The following IGFLR1 variants were observed in gnomAD, a reference collection of about 807,000 sequenced individuals.
The protein encoded by IGFLR1 is IGF like family receptor 1.
In IGFLR1, 17 loss-of-function variants were observed where a neutral mutation model predicts 23.4. The observed-to-expected ratio is 0.73, with a 90% CI of 0.50 to 1.09. IGFLR1 has a LOEUF of 1.09. Ranked by LOEUF, IGFLR1 falls within the 50% of genes least tolerant of loss-of-function variation. The probability of loss-of-function intolerance (pLI) is 0.00; values close to 1 mark genes in which losing one functional copy is unlikely to be tolerated. For synonymous variants in IGFLR1, 265 were observed against 210.7 expected (o/e 1.26, Z -2.23); for missense variants, 556 against 459.2 (o/e 1.21, Z -1.93).
At chr19:35,740,719 C>A in intron 2 of IGFLR1, 155 bp from the exon 3 acceptor site, 1 of 735,286 alleles carries the variant, frequency 1.4e-6, no homozygotes, top group East Asian at 2.8e-5. Flanking sequence ...TCCGGGCTCG[C>A]CTTTTCACCC....
rs1970074958 is a variant in IGFLR1, at chr19:35,739,512, T to G, written c.836A>C (p.His279Pro). The change falls in exon 5 of 5, where the codon CAT becomes CCT. Residue 279 changes from histidine to proline, a missense_variant. Transcript: ENST00000246532. ...PEPGPGGGMA[H>P]GTTRHLAARY... is the part of the protein sequence containing the mutation. ...TGCGGCCAGGTGTCGAGTAGTGCCA[T>G]GGGCCATACCCCCACCTGGCCCAGG... 1.2e-6 allele frequency: 2 copies of G among 1,614,008 alleles called. No individual in the cohort carries two copies. Among genetic ancestry groups the G allele is most frequent in the Non-Finnish European group, 1.7e-6 (2 of 1,180,004 alleles).
chr19:35,739,774 G>A lies in IGFLR1; in HGVS notation c.657C>T (p.Ser219=), dbSNP rs147205513. 489 of 1,566,322 alleles carry A rather than the reference G, an allele frequency of 3.1e-4. 3 individuals carry two copies. The African/African-American group carries it at 5.7e-3, about 18-fold the overall frequency. The change falls in exon 4 of 5, where the codon TCC becomes TCT. Residue 219 remains serine, a synonymous_variant. Coordinates refer to ENST00000246532, the MANE Select transcript of IGFLR1 (RefSeq NM_024660.4). ...TGTCCCCTGTCTCCAGGGCGCCTGG[G>A]GAGGACAGATGCGAGGAGGAAGGGG... ...THTPSSSHLS[S]PGALETGDTW...
intron 3 of IGFLR1, 34 bp from the exon 4 acceptor site, chr19:35,740,122 C>G (rs770836693): frequency 1.1e-5 from 17 of 1,578,592 alleles, no homozygotes; most frequent in Non-Finnish European, 1.5e-5. Context: ...AGCTGGAGGC[C>G]ACACTCCACT....
intron 3 of IGFLR1, 75 bp from the exon 4 acceptor site, chr19:35,740,163 A>G: frequency 6.8e-7 from 1 of 1,478,254 alleles, no homozygotes; most frequent in African/African-American, 1.4e-5. Flanking sequence ...CCAACTTTAT[A>G]TCCTTTAATG....
In IGFLR1 at chr19:35,739,798, GGT is replaced by G; in HGVS notation, c.631_632del (p.Thr211ProfsTer45). ...GGGAGGACAGATGCGAGGAGGAAGGGGTGTGGGTGTTGGGGACTCCGCAGACC... is the reference window on the plus strand; with the variant it reads ...GGGAGGACAGATGCGAGGAGGAAGGGGTGGGTGTTGGGGACTCCGCAGACC... The part of the protein sequence containing the change: ...GLVCGVPNTH[T>X]PSSSHLSSPG... On this transcript the variant is annotated frameshift_variant, in exon 4 of 5. Coordinates refer to ENST00000246532, the MANE Select transcript of IGFLR1 (RefSeq NM_024660.4). LOFTEE classifies it high-confidence loss of function. 6.3e-7 allele frequency: 1 copy of G among 1,585,676 alleles called. No individual in the cohort carries two copies. Among genetic ancestry groups the G allele is most frequent in the Non-Finnish European group, 8.6e-7 (1 of 1,162,594 alleles).
At position 35,739,333 on chromosome 19, in the gene IGFLR1, C is replaced by T. The variant is rs1485481358; in HGVS notation, c.1015G>A (p.Asp339Asn). 1.2e-6 allele frequency: 2 copies of T among 1,609,672 alleles called. No individual in the cohort carries two copies. The highest frequency in any genetic ancestry group is 8.5e-7 in the Non-Finnish European group (1 of 1,177,998). Residue 339 changes from aspartate to asparagine, a missense_variant, in exon 5 of 5, where the codon GAT becomes AAT. Physicochemically the swap from Asp to Asn is conservative, Grantham distance 23. Transcript: ENST00000246532. ...GTHLAQLGRA[D>N]ALRVLSKLGS... is the part of the protein sequence containing the mutation. ...AGCTTGGACAGCACCCGCAATGCAT[C>T]TGCCCGCCCTAGCTGGGCGAGGTGT...
Position 35,742,406 on chromosome 19 carries a change from C to G in IGFLR1, c.-54G>C. ...CCACCCTACCAGTACCGTTAGGGTC[C>G]TGGGTCCCAAGCTGGCCGTGCCAAG... is the stretch of plus-strand genomic sequence containing the variant. On this transcript the variant is annotated 5_prime_UTR_variant, in exon 1 of 5. Transcript: ENST00000246532. 6.5e-7 allele frequency: 1 copy of G among 1,532,728 alleles called. No homozygotes were observed. Among genetic ancestry groups the G allele is most frequent in the Non-Finnish European group, 8.7e-7 (1 of 1,145,066 alleles). The allele number at this position is 1,532,728 out of a possible 1,614,324, so 94.9% of individuals were successfully genotyped here. A position where few individuals can be genotyped will look rare whatever the true frequency, so the allele number is the denominator to read the frequency against.
At position 35,739,500 on chromosome 19, in the gene IGFLR1, CG is replaced by C; in HGVS notation, c.847del (p.Arg283AspfsTer20). On this transcript the variant is annotated frameshift_variant, in exon 5 of 5. Coordinates refer to ENST00000246532, the MANE Select transcript of IGFLR1 (RefSeq NM_024660.4). LOFTEE classifies it low-confidence loss of function (END_TRUNC). ...PGGGMAHGTTRHLAARYGLPA... is the reference protein window; with the variant it reads ...PGGGMAHGTTXHLAARYGLPA... ...CAGCCCATATCTTGCGGCCAGGTGTCGAGTAGTGCCATGGGCCATACCCCCA... is the reference window on the plus strand; with the variant it reads ...CAGCCCATATCTTGCGGCCAGGTGTCAGTAGTGCCATGGGCCATACCCCCA... 6.2e-7 allele frequency: 1 copy of C among 1,613,942 alleles called. No homozygotes were observed. Among genetic ancestry groups the C allele is most frequent in the Non-Finnish European group, 8.5e-7 (1 of 1,180,006 alleles).
rs1231524229 is a variant in IGFLR1, at chr19:35,740,124, C to T, written c.343-36G>A. On this transcript the variant is annotated intron_variant, in intron 3 of 4. Transcript: ENST00000246532. Reference sequence around the variant, plus strand: ...GGGGTTGGAGTAAAGCTGGAGGCCACACTCCACTCCTGCCCGCTCCCAAAC... The same window carrying T: ...GGGGTTGGAGTAAAGCTGGAGGCCATACTCCACTCCTGCCCGCTCCCAAAC... 7.0e-6 allele frequency: 11 copies of T among 1,571,268 alleles called. No individual in the cohort carries two copies. In the Admixed American group the frequency reaches 1.5e-4, roughly 21 times the overall value.
rs558217257 is a variant in IGFLR1, at chr19:35,739,886, A to T, written c.545T>A (p.Ile182Asn). 9.3e-6 allele frequency: 15 copies of T among 1,614,180 alleles called. No individual in the cohort carries two copies. The East Asian group carries it at 3.1e-4, about 34-fold the overall frequency. Residue 182 changes from isoleucine (I) to asparagine (N), a missense_variant, in exon 4 of 5, where the codon ATT becomes AAT. Ile to Asn is a moderately radical substitution (Grantham distance 149, BLOSUM62 -3). Coordinates refer to ENST00000246532, the MANE Select transcript of IGFLR1 (RefSeq NM_024660.4). ...GGGCCAGCAGAGATGCCAGAGCAGA[A>T]TAAACAGGAGGATCGCTATCACCGC... ...TLAVIAILLF[I>N]LLWHLCWPKE...
rs1970084221 is a variant in IGFLR1, at chr19:35,739,613, C to T, written c.735G>A (p.Leu245=). The T allele has an allele frequency of 6.2e-7, 1 of 1,611,514 alleles. No homozygotes were observed. The highest frequency in any genetic ancestry group is 1.7e-5 in the Admixed American group (1 of 59,928). ...GGAGGCGAGACAGGGGTTGTGACGC[C>T]AGACTGGACAGTTCTGGAAGAAAGG... ...LPLLSRELSS[L]ASQPLSRLLD... The change falls in exon 5 of 5, where the codon CTG becomes CTA. Residue 245 remains leucine, a synonymous_variant. Coordinates refer to ENST00000246532, the MANE Select transcript of IGFLR1 (RefSeq NM_024660.4).
At position 35,738,923 on chromosome 19, in the gene IGFLR1, C is replaced by T. The variant is rs1161362456; in HGVS notation, c.*357G>A. On this transcript the variant is annotated 3_prime_UTR_variant, in exon 5 of 5. Coordinates refer to ENST00000246532, the MANE Select transcript of IGFLR1 (RefSeq NM_024660.4). This position sits in a 1 kb window ranked among gnomAD's most constrained non-coding sequence, Gnocchi z 8.7. ...TAGGCTGTGGGGGCAGGTAGGAACC[C>T]CACTTCTACACACCCACCCATCATG... 1.1e-5 allele frequency: 5 copies of T among 449,550 alleles called. No individual in the cohort carries two copies. The highest frequency in any genetic ancestry group is 3.9e-5 in the African/African-American group (2 of 50,684). 27.8% of individuals were successfully genotyped at this position (449,550 alleles called of 1,614,324 possible).
chr19:35,742,232 C>T (rs1370400681), intron 1 of IGFLR1, among the ~76,000 whole-genome samples, 164 bp downstream of exon 1: 2 of 149,856 alleles, frequency 1.3e-5, no homozygotes, highest in Non-Finnish European at 3.0e-5. Context: ...CAGCCCCATA[C>T]TGGCTGGAGA....
In IGFLR1 at chr19:35,740,137, C is replaced by G. The variant is rs570267134; in HGVS notation, c.343-49G>C. On this transcript the variant is annotated intron_variant, in intron 3 of 4. Coordinates refer to ENST00000246532, the MANE Select transcript of IGFLR1 (RefSeq NM_024660.4). ...AGCTGGAGGCCACACTCCACTCCTG[C>G]CCGCTCCCAAACCTCCCAACTTTAT... 17 of 1,541,184 alleles carry G rather than the reference C, an allele frequency of 1.1e-5. No homozygotes were observed. In the Admixed American group the frequency reaches 3.1e-4, roughly 28 times the overall value.
Position 35,739,840 on chromosome 19 carries a change from A to G in IGFLR1, c.591T>C (p.Tyr197=). Reference sequence around the variant, plus strand: ...CTCCGCAGACCAAGCCAGGATAGGGATAGGGGTCGGCTTTCTCCTTGGGCC... The same window carrying G: ...CTCCGCAGACCAAGCCAGGATAGGGGTAGGGGTCGGCTTTCTCCTTGGGCC... ...LCWPKEKADP[Y]PYPGLVCGVP... Residue 197 remains tyrosine, a synonymous_variant, in exon 4 of 5, where the codon TAT becomes TAC. Transcript: ENST00000246532. 6.2e-7 allele frequency: 1 copy of G among 1,611,688 alleles called. No homozygotes were observed. Among genetic ancestry groups the G allele is most frequent in the East Asian group, 2.2e-5 (1 of 44,796 alleles).
At chr19:35,739,672 G>C in intron 4 of IGFLR1, 38 bp downstream of exon 4, 1 of 1,570,806 alleles carries the variant, frequency 6.4e-7, no homozygotes, top group South Asian at 1.2e-5. Context: ...CGGGCGTCCA[G>C]TCCACCTTCC....
rs199514116 is a variant in IGFLR1 at position 35,739,548 on chromosome 19, A to G, written c.800T>C (p.Leu267Pro). The change falls in exon 5 of 5, where the codon CTG becomes CCG. Residue 267 changes from leucine (L) to proline (P), a missense_variant. Transcript: ENST00000246532. ...LEVLEELIVLLDPEPGPGGGM... is the reference protein window; with the variant it reads ...LEVLEELIVLPDPEPGPGGGM... ...CCCACCTGGCCCAGGCTCAGGGTCC[A>G]GCAGTACAATCAGCTCTTCCAGCAC... The G allele has an allele frequency of 1.2e-6, 2 of 1,613,980 alleles. No individual in the cohort carries two copies. The highest frequency in any genetic ancestry group is 1.3e-5 in the African/African-American group (1 of 74,934).
At position 35,739,909 on chromosome 19, in the gene IGFLR1, C is replaced by T. The variant is rs754122765; in HGVS notation, c.522G>A (p.Ala174=). The part of the protein sequence containing the change: ...LVVLVLLLTL[A]VIAILLFILL... ...GAATAAACAGGAGGATCGCTATCACCGCCAAGGTCAGGAGCAGGACCAGCA... is the reference window on the plus strand; with the variant it reads ...GAATAAACAGGAGGATCGCTATCACTGCCAAGGTCAGGAGCAGGACCAGCA... The change falls in exon 4 of 5, where the codon GCG becomes GCA. Residue 174 remains alanine (A), a synonymous_variant. Coordinates refer to ENST00000246532, the MANE Select transcript of IGFLR1 (RefSeq NM_024660.4). The T allele has an allele frequency of 1.2e-6, 2 of 1,614,154 alleles. No individual in the cohort carries two copies. The highest frequency in any genetic ancestry group is 2.2e-5 in the East Asian group (1 of 44,856).
rs1352774727 is a variant in IGFLR1, at chr19:35,741,062, C to T, written c.119G>A (p.Ser40Asn). The change falls in exon 2 of 5, where the codon AGC (serine) becomes AAC (asparagine). Residue 40 changes from serine to asparagine, a missense_variant. By Grantham distance (46) the Ser-to-Asn change is conservative. Transcript: ENST00000246532. ...EYWNPDNKCC[S>N]SCLQRFGPPP... ...CGGCCCGAAGCGTTGCAGGCAGCTG[C>T]TGCAGCACTTGTTGTCTGGGTTCCA... The T allele has an allele frequency of 6.2e-7, 1 of 1,608,320 alleles. No homozygotes were observed. The highest frequency in any genetic ancestry group is 2.2e-5 in the East Asian group (1 of 44,776).
Sources: allele counts gnomAD v4.1 joint callset (sites outside exome capture counted in the v4.1 genomes callset), GRCh38; gene constraint gnomAD v4.1.1; non-coding constraint Gnocchi (gnomAD v3.1); transcripts MANE v1.5; gene names NCBI Gene and HGNC (gene_info 2026-07-23, HGNC 2026-07-21).